FHIT: variants seen among roughly 807,000 people sequenced by gnomAD.
The protein encoded by FHIT is bis(5'-adenosyl)-triphosphatase.
Under a neutral mutation model 17.9 loss-of-function variants are expected in FHIT, and 19 were observed. The ratio of observed to expected loss-of-function variants is 1.06; its 90% CI spans 0.74 to 1.56. The LOEUF (loss-of-function observed/expected upper bound fraction) is 1.56, where lower values mean the gene tolerates loss of function less well. Among genes scored for constraint, FHIT ranks in the 40% most tolerant of loss-of-function variants. The pLI is 0.00. For synonymous variants in FHIT, 81 were observed against 69.7 expected (o/e 1.16, Z -0.81); for missense variants, 248 against 189.2 (o/e 1.31, Z -1.82).
intron 2 of FHIT, among the ~76,000 whole-genome samples, chr3:61,068,908 A>G (rs1299108204): frequency 6.6e-6 from 1 of 152,210 alleles, no homozygotes; most frequent in Non-Finnish European, 1.5e-5. Flanking sequence ...AAGGGGGACC[A>G]GAGAATAGAG....
chr3:60,023,009 G>A (rs958538015), intron 5 of FHIT, among the ~76,000 whole-genome samples: 2 of 152,120 alleles, frequency 1.3e-5, no homozygotes, highest in African/African-American at 4.8e-5. Flanking sequence ...ACTGTCACTC[G>A]AAAGAGTCTG....
At chr3:60,197,539 G>A (rs1702703682) in intron 5 of FHIT, among the ~76,000 whole-genome samples, 1 of 152,110 alleles carries the variant, frequency 6.6e-6, no homozygotes, top group Non-Finnish European at 1.5e-5. Context: ...AGTAAAGTTA[G>A]CATAAAGGTA....
chr3:61,128,343 T>C (rs2036669954), intron 2 of FHIT, among the ~76,000 whole-genome samples: 1 of 152,210 alleles, frequency 6.6e-6, no homozygotes, highest in African/African-American at 2.4e-5. Context: ...CCTCTATTTC[T>C]TCAATTACAA....
chr3:60,779,610 G>A (rs565722142), intron 4 of FHIT, among the ~76,000 whole-genome samples: 1 of 152,222 alleles, frequency 6.6e-6, no homozygotes, highest in Non-Finnish European at 1.5e-5. Flanking sequence ...TCTCTTGTTG[G>A]AGGAGAACTG....
chr3:59,914,305 A>G (rs578082245), intron 8 of FHIT, among the ~76,000 whole-genome samples: 2 of 152,238 alleles, frequency 1.3e-5, no homozygotes, highest in African/African-American at 4.8e-5. Flanking sequence ...CAAATTGAAC[A>G]TTAATGGTAG....
At chr3:59,854,133 T>C (rs2106806912) in intron 8 of FHIT, among the ~76,000 whole-genome samples, 1 of 152,324 alleles carries the variant, frequency 6.6e-6, no homozygotes, top group Admixed American at 6.5e-5. Context: ...CATTGATTGG[T>C]ATCAAAAGTC....
intron 3 of FHIT, among the ~76,000 whole-genome samples, chr3:60,842,641 ATATATTTTTTT>A (rs1702773877): frequency 8.5e-5 from 4 of 47,192 alleles, no homozygotes; most frequent in African/African-American, 1.7e-4. Context: ...ATATATATAT[ATATATTTTTTT>A]TTTTTTTTTT....
intron 4 of FHIT, among the ~76,000 whole-genome samples, chr3:60,625,802 T>A (rs1438511151): frequency 6.6e-6 from 1 of 152,208 alleles, no homozygotes; most frequent in Non-Finnish European, 1.5e-5. Context: ...AGACATCATA[T>A]CTAAAATATT....
At chr3:60,278,543 G>T (rs145576674) in intron 5 of FHIT, among the ~76,000 whole-genome samples, 1 of 152,080 alleles carries the variant, frequency 6.6e-6, no homozygotes, top group Non-Finnish European at 1.5e-5. Context: ...GAGGTCTTTG[G>T]TGATTACAAC....
chr3:60,445,000 G>C lies in FHIT; in HGVS notation c.103+91860C>G, dbSNP rs906064347. 2.6e-5 allele frequency among the ~76,000 whole-genome samples: 4 copies of C among 152,192 alleles called. 1 individual carries two copies. Among genetic ancestry groups the C allele is most frequent in the Admixed American group, 6.6e-5 (1 of 15,256 alleles). ...CCGTTAGATTGAAAAGCGATGAAAG[G>C]AACAGTGCAATGTTTTCTTGATGGG... On this transcript the variant is annotated intron_variant, in intron 5 of 9. Transcript: ENST00000492590.
intron 3 of FHIT, among the ~76,000 whole-genome samples, chr3:60,863,954 G>C (rs1553753271): frequency 6.6e-6 from 1 of 152,042 alleles, no homozygotes; most frequent in Non-Finnish European, 1.5e-5. Context: ...ACCCGAGATG[G>C]GATAATTTAT....
intron 8 of FHIT, among the ~76,000 whole-genome samples, chr3:59,850,611 G>C (rs936652131): frequency 6.6e-6 from 1 of 152,146 alleles, no homozygotes; most frequent in Admixed American, 6.6e-5. Context: ...TCTAACCAGA[G>C]AGGTTAGGGA....
chr3:60,542,231 C>CT (rs909035787), intron 4 of FHIT, among the ~76,000 whole-genome samples: 1 of 152,132 alleles, frequency 6.6e-6, no homozygotes, highest in African/African-American at 2.4e-5. Flanking sequence ...TATTCCTTGC[C>CT]CATTCCTCTA....
At chr3:61,177,477 T>G (rs2038195648) in intron 2 of FHIT, among the ~76,000 whole-genome samples, 1 of 152,230 alleles carries the variant, frequency 6.6e-6, no homozygotes, top group South Asian at 2.1e-4. Flanking sequence ...AAAAAGTTAC[T>G]TTAAATGTAT....
intron 5 of FHIT, among the ~76,000 whole-genome samples, chr3:60,165,556 A>T (rs571593878): frequency 3.2e-4 from 48 of 152,286 alleles, no homozygotes; most frequent in African/African-American, 1.2e-3. Flanking sequence ...TTGGAAGACC[A>T]CAATATTTTG....
chr3:60,533,482 G>C (rs1022784134), intron 5 of FHIT, among the ~76,000 whole-genome samples: 84 of 152,348 alleles, frequency 5.5e-4, no homozygotes, highest in African/African-American at 2.0e-3. Context: ...ATATGAGGCA[G>C]ACTGGGCTGT....
intron 4 of FHIT, among the ~76,000 whole-genome samples, chr3:60,547,666 C>T (rs944802970): frequency 6.6e-6 from 1 of 152,192 alleles, no homozygotes; most frequent in Non-Finnish European, 1.5e-5. Context: ...TTTACATCTG[C>T]ATCTCCTACA....
intron 1 of FHIT, among the ~76,000 whole-genome samples, chr3:61,208,111 G>A (rs2039315695): frequency 6.6e-6 from 1 of 152,146 alleles, no homozygotes; most frequent in Non-Finnish European, 1.5e-5. Context: ...CAGTTTCCAT[G>A]TAATTGAGTG....
intron 8 of FHIT, among the ~76,000 whole-genome samples, chr3:59,753,255 A>G (rs574810405): frequency 4.7e-4 from 72 of 152,316 alleles, no homozygotes; most frequent in Non-Finnish European, 9.0e-4. Flanking sequence ...GGGTTCAAGC[A>G]GGGAAACAGT....
Sources: gnomAD v4.1 joint callset for allele counts (sites outside exome capture counted in the v4.1 genomes callset) on GRCh38, gnomAD v4.1.1 for gene constraint, MANE v1.5 for transcripts, NCBI Gene and HGNC (gene_info 2026-07-23, HGNC 2026-07-21) for gene names.